The following ZC3H12C variants were observed in gnomAD, a reference collection of about 807,000 sequenced individuals.
ZC3H12C encodes the protein zinc finger CCCH-type containing 12C.
ZC3H12C carries 20 observed loss-of-function variants against 76.3 expected under a neutral mutation model. The ratio of observed to expected loss-of-function variants is 0.26; its 90% CI spans 0.18 to 0.38. The LOEUF (loss-of-function observed/expected upper bound fraction) is 0.38. Ranked by LOEUF, ZC3H12C falls within the 10% of genes least tolerant of loss-of-function variation. The pLI is 1.00. For missense variants in ZC3H12C, 874 were observed against 1,086.5 expected, an observed-to-expected ratio of 0.80 and a Z score of 2.75; for synonymous variants, 352 against 399.6, an observed-to-expected ratio of 0.88 and a Z score of 1.42.
intron 1 of ZC3H12C, among the ~76,000 whole-genome samples, chr11:110,121,074 T>G (rs1402227520): frequency 2.6e-5 from 4 of 152,188 alleles, no homozygotes. Flanking sequence ...TCCAGACTAA[T>G]AAAAGTAACA....
chr11:110,161,878 C>T (rs1429433740), intron 4 of ZC3H12C, among the ~76,000 whole-genome samples: 1 of 152,148 alleles, frequency 6.6e-6, no homozygotes, highest in African/African-American at 2.4e-5. Context: ...TGCCTGTAAT[C>T]CTAGCACTTT....
At chr11:110,116,206 A>G (rs1324704425) in intron 1 of ZC3H12C, among the ~76,000 whole-genome samples, 2 of 152,146 alleles carry the variant, frequency 1.3e-5, no homozygotes, top group Non-Finnish European at 2.9e-5. Context: ...CTCATTTCCA[A>G]GCGTTCTTAC....
chr11:110,124,587 G>GA (rs1861706754), intron 1 of ZC3H12C, among the ~76,000 whole-genome samples: 2 of 152,176 alleles, frequency 1.3e-5, no homozygotes, highest in South Asian at 2.1e-4. Context: ...AGGCTTTATG[G>GA]AAAAAATAAG....
chr11:110,164,163 T>G lies in ZC3H12C; in HGVS notation c.1256-178T>G, dbSNP rs1862532293. On this transcript the variant is annotated intron_variant, in intron 5 of 5. Coordinates refer to ENST00000278590, the MANE Select transcript of ZC3H12C (RefSeq NM_033390.2). The surrounding 1 kb of genome is among the most constrained non-coding windows in gnomAD (Gnocchi z 5.7). Reference sequence around the variant, plus strand: ...TCGGCCAACTTCCTCCTGTTCTTGATAGTAAAGAAATGAGAAGACTGAGAA... The same window carrying G: ...TCGGCCAACTTCCTCCTGTTCTTGAGAGTAAAGAAATGAGAAGACTGAGAA... Among the ~76,000 whole-genome samples the G allele has an allele frequency of 6.6e-6, 1 of 151,844 alleles. No individual in the cohort carries two copies. Among genetic ancestry groups the G allele is most frequent in the Non-Finnish European group, 1.5e-5 (1 of 67,992 alleles).
chr11:110,154,507 T>G (rs960170660), intron 3 of ZC3H12C, among the ~76,000 whole-genome samples: 5 of 151,354 alleles, frequency 3.3e-5, no homozygotes, highest in Non-Finnish European at 7.4e-5. Flanking sequence ...AGCAGAGAGG[T>G]CATCATTCAA....
intron 1 of ZC3H12C, among the ~76,000 whole-genome samples, chr11:110,122,455 C>T (rs1861667471): frequency 1.3e-5 from 2 of 152,022 alleles, no homozygotes; most frequent in South Asian, 2.1e-4. Flanking sequence ...AAAAATCATA[C>T]GTAGTCCTCC....
rs780121401 is a variant in ZC3H12C at position 110,164,753 on chromosome 11, G to A, written c.1668G>A (p.Gln556=). 6.8e-6 allele frequency: 11 copies of A among 1,614,000 alleles called. No homozygotes were observed. The highest frequency in any genetic ancestry group is 1.7e-5 in the Admixed American group (1 of 60,032). The part of the protein sequence containing the change: ...VHFPPQDQRP[Q]GQYPSMMMAT... Reference sequence around the variant, plus strand: ...TCCCACCTCAGGATCAAAGACCACAGGGACAATATCCTTCAATGATGATGG... The same window carrying A: ...TCCCACCTCAGGATCAAAGACCACAAGGACAATATCCTTCAATGATGATGG... Residue 556 remains glutamine (Q), a synonymous_variant, in exon 6 of 6, where the codon CAG becomes CAA. Coordinates refer to ENST00000278590, the MANE Select transcript of ZC3H12C (RefSeq NM_033390.2). This position sits in a 1 kb window ranked among gnomAD's most constrained non-coding sequence, Gnocchi z 5.7.
intron 1 of ZC3H12C, among the ~76,000 whole-genome samples, chr11:110,100,228 T>TTTTG (rs1405826223): frequency 1.3e-5 from 2 of 151,082 alleles, no homozygotes; most frequent in African/African-American, 4.9e-5. Flanking sequence ...TTTTTTTTTT[T>TTTTG]GATACAGGGT....
At chr11:110,120,676 A>C (rs1429840456) in intron 1 of ZC3H12C, among the ~76,000 whole-genome samples, 1 of 152,198 alleles carries the variant, frequency 6.6e-6, no homozygotes, top group Non-Finnish European at 1.5e-5. Flanking sequence ...GGTTAAAAAT[A>C]AGTTTTAGCA....
chr11:110,101,957 AC>A (rs1861224758), intron 1 of ZC3H12C, among the ~76,000 whole-genome samples: 1 of 152,020 alleles, frequency 6.6e-6, no homozygotes, highest in Non-Finnish European at 1.5e-5. Flanking sequence ...TTTTAAGCCC[AC>A]TGTTGAGACT....
Position 110,137,527 on chromosome 11 carries a change from A to G in ZC3H12C, c.773+113A>G. The G allele has an allele frequency of 3.2e-6, 4 of 1,252,026 alleles. No homozygotes were observed. The South Asian group carries it at 4.9e-5, about 15-fold the overall frequency. 77.6% of individuals were successfully genotyped at this position (1,252,026 alleles called of 1,614,324 possible). On this transcript the variant is annotated intron_variant, in intron 2 of 5. Transcript: ENST00000278590. ...GTCATTAAAGTCAACATTTTTCTGT[A>G]TCCTGATGTTAACATTAGAAAACAT...
chr11:110,126,435 G>C (rs1250666412), intron 1 of ZC3H12C, among the ~76,000 whole-genome samples: 1 of 151,900 alleles, frequency 6.6e-6, no homozygotes, highest in African/African-American at 2.4e-5. Flanking sequence ...GCCTGGGCTG[G>C]TCTTTAACTC....
At chr11:110,093,737 C>T (rs1041347129) in intron 1 of ZC3H12C, among the ~76,000 whole-genome samples, 1 of 152,074 alleles carries the variant, frequency 6.6e-6, no homozygotes, top group Non-Finnish European at 1.5e-5. Context: ...GCCTAAGGCA[C>T]CGGTCCCCGC....
chr11:110,142,381 A>G (rs928848839), intron 2 of ZC3H12C, among the ~76,000 whole-genome samples: 2 of 152,182 alleles, frequency 1.3e-5, no homozygotes, highest in African/African-American at 2.4e-5. Flanking sequence ...ACAGATCTTC[A>G]CCTAACTAGT....
chr11:110,128,446 G>C (rs866748812), intron 1 of ZC3H12C, among the ~76,000 whole-genome samples: 10 of 152,154 alleles, frequency 6.6e-5, no homozygotes, highest in Non-Finnish European at 8.8e-5. Context: ...CCCTGGGGTA[G>C]TTTCTCTCAT....
intron 1 of ZC3H12C, among the ~76,000 whole-genome samples, chr11:110,122,589 C>T (rs553531550): frequency 6.6e-6 from 1 of 152,252 alleles, no homozygotes; most frequent in South Asian, 2.1e-4. Flanking sequence ...CATGATGGTG[C>T]GAAAGCCACA....
intron 5 of ZC3H12C, among the ~76,000 whole-genome samples, chr11:110,163,987 C>G (rs959658522): frequency 5.3e-5 from 8 of 152,138 alleles, no homozygotes; most frequent in Admixed American, 4.6e-4. Context: ...GTGATCCCAG[C>G]TACTCAGATG....
intron 1 of ZC3H12C, among the ~76,000 whole-genome samples, chr11:110,094,625 T>A (rs184869490): frequency 1.3e-5 from 2 of 152,224 alleles, no homozygotes; most frequent in Admixed American, 6.5e-5. Context: ...ACAATTAATT[T>A]TAGTAGCAGT....
chr11:110,139,862 A>G (rs1045973206), intron 2 of ZC3H12C, among the ~76,000 whole-genome samples: 1 of 137,832 alleles, frequency 7.3e-6, no homozygotes, highest in African/African-American at 2.7e-5. Flanking sequence ...TTAAATTCAT[A>G]TATTTTCTTT....
Sources: gnomAD v4.1 joint callset for allele counts (sites outside exome capture counted in the v4.1 genomes callset) on GRCh38, gnomAD v4.1.1 for gene constraint, Gnocchi (gnomAD v3.1) non-coding constraint, MANE v1.5 for transcripts, NCBI Gene and HGNC (gene_info 2026-07-23, HGNC 2026-07-21) for gene names.